Variants in TAFA2 observed in about 807,000 individuals in gnomAD.
The protein encoded by TAFA2 is chemokine-like protein TAFA-2.
TAFA2 carries 7 observed loss-of-function variants against 18.8 expected under a neutral mutation model. The observed-to-expected ratio is 0.37, with a 90% CI of 0.21 to 0.70. The LOEUF is 0.70. Ranked by LOEUF, TAFA2 falls within the 30% of genes least tolerant of loss-of-function variation. The pLI is 0.53. For synonymous variants in TAFA2, 60 were observed against 54.2 expected, an observed-to-expected ratio of 1.11 and a Z score of -0.47; for missense variants, 122 against 158.1, an observed-to-expected ratio of 0.77 and a Z score of 1.23.
chr12:62,112,894 AG>A (rs1045734012), intron 1 of TAFA2, among the ~76,000 whole-genome samples: 12 of 152,102 alleles, frequency 7.9e-5, no homozygotes, highest in South Asian at 4.1e-4. Flanking sequence ...ACCTTTTATC[AG>A]GGTTCTTAGC....
At chr12:62,228,026 A>G (rs2062795325) in intron 1 of TAFA2, among the ~76,000 whole-genome samples, 1 of 151,966 alleles carries the variant, frequency 6.6e-6, no homozygotes, top group South Asian at 2.1e-4. Flanking sequence ...TAGTGTATAT[A>G]TTTACTTTGT....
chr12:61,979,985 T>C (rs1329120906), intron 1 of TAFA2, among the ~76,000 whole-genome samples: 1 of 152,172 alleles, frequency 6.6e-6, no homozygotes, highest in Non-Finnish European at 1.5e-5. Flanking sequence ...AACTATACCT[T>C]AAAATATACT....
At chr12:61,908,978 A>G (rs757723454) in intron 1 of TAFA2, among the ~76,000 whole-genome samples, 1 of 152,158 alleles carries the variant, frequency 6.6e-6, no homozygotes, top group Non-Finnish European at 1.5e-5. Context: ...GTGATCCAGT[A>G]GTGCAATTTC....
chr12:61,797,974 T>C (rs1232799514), intron 2 of TAFA2, among the ~76,000 whole-genome samples: 3 of 152,184 alleles, frequency 2.0e-5, no homozygotes. Context: ...TCAAAATATT[T>C]AATAACCACT....
intron 1 of TAFA2, among the ~76,000 whole-genome samples, chr12:62,131,208 C>A (rs1488364611): frequency 6.6e-6 from 1 of 151,804 alleles, no homozygotes; most frequent in Non-Finnish European, 1.5e-5. Flanking sequence ...CAGAGCCCAT[C>A]CTCTGCTAAG....
At chr12:61,756,815 A>G (rs536376123) in intron 2 of TAFA2, among the ~76,000 whole-genome samples, 1 of 152,188 alleles carries the variant, frequency 6.6e-6, no homozygotes, top group East Asian at 1.9e-4. Context: ...TGAGCTGAAT[A>G]ATGAGAAGGA....
At chr12:61,831,228 ACTTT>A (rs1484792753) in intron 2 of TAFA2, among the ~76,000 whole-genome samples, 2 of 152,074 alleles carry the variant, frequency 1.3e-5, no homozygotes, top group African/African-American at 4.8e-5. Context: ...AGTAATTTTC[ACTTT>A]CTTCTTCCTT....
intron 2 of TAFA2, among the ~76,000 whole-genome samples, chr12:61,841,224 T>C (rs555723701): frequency 2.3e-4 from 35 of 152,238 alleles, no homozygotes; most frequent in Admixed American, 1.4e-3. Context: ...TATTATATTA[T>C]GTCAAAGTCT....
At chr12:62,139,718 A>C (rs1233735770) in intron 1 of TAFA2, among the ~76,000 whole-genome samples, 1 of 152,158 alleles carries the variant, frequency 6.6e-6, no homozygotes, top group Non-Finnish European at 1.5e-5. Flanking sequence ...ACTAAGGCCA[A>C]CACTTTGGGG....
chr12:61,741,454 GA>G (rs1868445259), intron 4 of TAFA2, among the ~76,000 whole-genome samples: 1 of 151,944 alleles, frequency 6.6e-6, no homozygotes, highest in East Asian at 1.9e-4. Context: ...ATAAAGGCAA[GA>G]AAAAAATTCA....
chr12:61,745,307 T>C (rs1490584359), intron 4 of TAFA2, among the ~76,000 whole-genome samples: 1 of 152,102 alleles, frequency 6.6e-6, no homozygotes, highest in Non-Finnish European at 1.5e-5. Context: ...GTTGTGACAT[T>C]ACTCATGTTG....
intron 1 of TAFA2, among the ~76,000 whole-genome samples, chr12:61,958,290 A>G (rs1878767473): frequency 1.3e-5 from 2 of 152,088 alleles, no homozygotes; most frequent in Non-Finnish European, 2.9e-5. Flanking sequence ...GATATACCCT[A>G]GTGCCTTCTT....
intron 1 of TAFA2, among the ~76,000 whole-genome samples, chr12:62,040,694 C>T (rs1336641647): frequency 6.6e-6 from 1 of 152,138 alleles, no homozygotes; most frequent in Non-Finnish European, 1.5e-5. Context: ...AGCCACCCCA[C>T]TTCTGGTACT....
chr12:61,890,646 A>G lies in TAFA2; in HGVS notation c.-1-23220T>C, dbSNP rs540317906. 2.0e-5 allele frequency among the ~76,000 whole-genome samples: 3 copies of G among 152,346 alleles called. No individual in the cohort carries two copies. In the South Asian group the frequency reaches 6.2e-4, roughly 32 times the overall value. ...GGGGTTTAGCACACAGTTTTTCAGA[A>G]ATATTAATCTGCCATCTCTTCAGGC... On this transcript the variant is annotated intron_variant, in intron 1 of 4. Transcript: ENST00000416284.
At chr12:62,218,297 T>A (rs914793045) in intron 1 of TAFA2, among the ~76,000 whole-genome samples, 3 of 151,986 alleles carry the variant, frequency 2.0e-5, no homozygotes, top group Non-Finnish European at 4.4e-5. Context: ...GCACCTGGCC[T>A]GAATTTTAAT....
intron 1 of TAFA2, among the ~76,000 whole-genome samples, chr12:62,089,184 G>A (rs949376816): frequency 6.6e-6 from 1 of 152,090 alleles, no homozygotes; most frequent in African/African-American, 2.4e-5. Flanking sequence ...ACATTTGAAA[G>A]CAAATTCGTC....
intron 1 of TAFA2, among the ~76,000 whole-genome samples, chr12:61,907,428 G>A (rs1471222935): frequency 1.3e-5 from 2 of 152,246 alleles, no homozygotes; most frequent in Admixed American, 6.5e-5. Context: ...CTTACATGTG[G>A]TGTTGGGCCT....
chr12:61,850,706 T>C (rs897653957), intron 2 of TAFA2, among the ~76,000 whole-genome samples: 1 of 151,996 alleles, frequency 6.6e-6, no homozygotes, highest in African/African-American at 2.4e-5. Flanking sequence ...TAAACAAACA[T>C]GAGAGAGGAA....
rs75731739 is a variant in TAFA2 at position 61,798,400 on chromosome 12, T to G, written c.107-43376A>C. On this transcript the variant is annotated intron_variant, in intron 2 of 4. Transcript: ENST00000416284. Reference sequence around the variant, plus strand: ...CGTGCAGATTTGTTACATAGGTATATGCGTAAGTTACACATAAAATTTACC... The same window carrying G: ...CGTGCAGATTTGTTACATAGGTATAGGCGTAAGTTACACATAAAATTTACC... Among the ~76,000 whole-genome samples, 869 of 152,302 alleles carry G rather than the reference T, an allele frequency of 5.7e-3. 12 individuals carry two copies. Among genetic ancestry groups the G allele is most frequent in the African/African-American group, 0.02 (841 of 41,562 alleles).
Sources: gnomAD v4.1 joint callset for allele counts (sites outside exome capture counted in the v4.1 genomes callset) on GRCh38, gnomAD v4.1.1 for gene constraint, MANE v1.5 for transcripts, NCBI Gene and HGNC (gene_info 2026-07-23, HGNC 2026-07-21) for gene names.